WDFY3: variants seen among roughly 807,000 people sequenced by gnomAD.
WDFY3 encodes WD repeat and FYVE domain-containing protein 3.
WDFY3 carries 66 observed loss-of-function variants against 409.6 expected under a neutral mutation model. The ratio of observed to expected loss-of-function variants is 0.16; its 90% CI spans 0.13 to 0.20. The LOEUF (loss-of-function observed/expected upper bound fraction) is 0.20. Ranked by LOEUF, WDFY3 falls within the 10% of genes least tolerant of loss-of-function variation. The probability of loss-of-function intolerance (pLI) is 1.00; values close to 1 mark genes in which losing one functional copy is unlikely to be tolerated. For missense variants in WDFY3, 3,031 were observed against 4,298.1 expected, an observed-to-expected ratio of 0.71 and a Z score of 8.24; for synonymous variants, 1,521 against 1,537.1, an observed-to-expected ratio of 0.99 and a Z score of 0.25.
intron 2 of WDFY3, among the ~76,000 whole-genome samples, chr4:84,916,499 C>T (rs777183233): frequency 6.6e-5 from 10 of 152,144 alleles, no homozygotes; most frequent in Non-Finnish European, 1.2e-4. Context: ...CTGCCATTCT[C>T]GCATATGATT....
intron 46 of WDFY3, 87 bp from the exon 47 acceptor site, chr4:84,721,659 T>C: frequency 2.7e-6 from 4 of 1,500,574 alleles, no homozygotes; most frequent in Non-Finnish European, 3.6e-6. Flanking sequence ...CTTCTATAGA[T>C]TTCCAATTTG....
rs776634253 is a variant in WDFY3 at position 84,794,960 on chromosome 4, A to C, written c.3187T>G (p.Leu1063Val). Residue 1063 changes from leucine (L) to valine (V), a missense_variant, in exon 20 of 68, where the codon TTG (leucine) becomes GTG (valine). Leu to Val is a conservative substitution (Grantham distance 32). This residue lies in a region of WDFY3 where 1,322 missense variants were observed against 1,697.9 expected (regional missense o/e 0.78). Coordinates refer to ENST00000295888, the MANE Select transcript of WDFY3 (RefSeq NM_014991.6). Reference sequence around the variant, plus strand: ...TTTGTAGGAGCATTATGAGGGGCCAAACTGGGCAAAAAAAGACATCTATTA... The same window carrying C: ...TTTGTAGGAGCATTATGAGGGGCCACACTGGGCAAAAAAAGACATCTATTA... ...EGFGCLFLPS[L>V]APHNAPTNNT... The C allele has an allele frequency of 2.6e-5, 41 of 1,562,602 alleles. No individual in the cohort carries two copies. The Middle Eastern group carries it at 6.9e-4, about 26-fold the overall frequency.
intron 25 of WDFY3, among the ~76,000 whole-genome samples, chr4:84,782,290 T>C (rs986041724): frequency 2.6e-5 from 4 of 152,202 alleles, no homozygotes; most frequent in African/African-American, 7.2e-5. Context: ...TGTCACTAAA[T>C]GTAATTTGAA....
intron 2 of WDFY3, among the ~76,000 whole-genome samples, chr4:84,915,856 C>A (rs180778720): frequency 1.6e-3 from 245 of 152,270 alleles, no homozygotes; most frequent in Non-Finnish European, 3.1e-3. Context: ...TGGCTCACCC[C>A]CACAATGTGT....
At chr4:84,724,365 G>A in intron 46 of WDFY3, 61 bp downstream of exon 46, 1 of 1,533,616 alleles carries the variant, frequency 6.5e-7, no homozygotes, top group Non-Finnish European at 8.8e-7. Context: ...ATTTTTGTAT[G>A]AATTCAAATA....
intron 25 of WDFY3, 87 bp from the exon 26 acceptor site, chr4:84,780,385 A>T (rs1746284217): frequency 1.6e-6 from 2 of 1,271,960 alleles, no homozygotes; most frequent in Admixed American, 5.5e-5. Context: ...TTTTTTAATT[A>T]GCAGTGTTTT....
chr4:84,690,472 T>A (rs554156046), intron 61 of WDFY3, 34 bp downstream of exon 61: 2 of 1,613,858 alleles, frequency 1.2e-6, no homozygotes, highest in Non-Finnish European at 1.7e-6. Context: ...AGATGGACTA[T>A]GTCCTTCTTG....
At chr4:84,810,447 C>T in intron 13 of WDFY3, 103 bp from the exon 14 acceptor site, 1 of 1,021,800 alleles carries the variant, frequency 9.8e-7, no homozygotes, top group Non-Finnish European at 1.4e-6. Context: ...GTGAATCTGA[C>T]ATGTTTTTAT....
chr4:84,790,879 G>A (rs1404074842), intron 21 of WDFY3, among the ~76,000 whole-genome samples: 2 of 151,920 alleles, frequency 1.3e-5, no homozygotes, highest in East Asian at 3.9e-4. Flanking sequence ...AATCATCAGG[G>A]AAATGCAAAC....
At chr4:84,955,440 C>T (rs1377197633) in intron 1 of WDFY3, among the ~76,000 whole-genome samples, 3 of 152,110 alleles carry the variant, frequency 2.0e-5, no homozygotes, top group East Asian at 1.9e-4. Flanking sequence ...CTGCTGCCTA[C>T]GGACATAAGG....
At chr4:84,799,935 A>C (rs775815835) in intron 17 of WDFY3, among the ~76,000 whole-genome samples, 4 of 152,190 alleles carry the variant, frequency 2.6e-5, no homozygotes, top group African/African-American at 4.8e-5. Flanking sequence ...TAACTATGCA[A>C]TGTAAGTTAT....
chr4:84,798,144 G>A, intron 17 of WDFY3, 36 bp from the exon 18 acceptor site: 4 of 1,502,452 alleles, frequency 2.7e-6, no homozygotes, highest in South Asian at 2.4e-5. Flanking sequence ...TTCCTTGATT[G>A]AGATTATTAT....
At chr4:84,803,225 A>G in intron 16 of WDFY3, 65 bp downstream of exon 16, 1 of 1,491,476 alleles carries the variant, frequency 6.7e-7, no homozygotes, top group Non-Finnish European at 8.9e-7. Context: ...AGCTCATATA[A>G]TCATACTCAC....
chr4:84,943,277 G>A (rs1031917256), intron 1 of WDFY3, among the ~76,000 whole-genome samples: 6 of 152,034 alleles, frequency 3.9e-5, no homozygotes, highest in Admixed American at 6.6e-5. Context: ...CGAGGCGGGC[G>A]GATCACAAGG....
chr4:84,844,914 A>G (rs1309116856), intron 5 of WDFY3, among the ~76,000 whole-genome samples: 1 of 152,208 alleles, frequency 6.6e-6, no homozygotes, highest in African/African-American at 2.4e-5. Flanking sequence ...GAGGCAAAGG[A>G]CCAAGAAAGA....
intron 67 of WDFY3, among the ~76,000 whole-genome samples, chr4:84,675,024 G>A (rs1350708391): frequency 1.3e-5 from 2 of 151,624 alleles, no homozygotes; most frequent in Non-Finnish European, 2.9e-5. Flanking sequence ...TGGATGGAGT[G>A]CAGTGGCGTG....
intron 19 of WDFY3, among the ~76,000 whole-genome samples, chr4:84,795,302 T>C (rs1749202759): frequency 6.6e-6 from 1 of 152,212 alleles, no homozygotes; most frequent in Non-Finnish European, 1.5e-5. Context: ...AAAACTCCCA[T>C]GTGCCCCTTA....
At position 84,737,357 on chromosome 4, in the gene WDFY3, A is replaced by C; in HGVS notation, c.6584T>G (p.Leu2195Arg). 1 of 1,567,608 alleles carries C rather than the reference A, an allele frequency of 6.4e-7. No homozygotes were observed. Among genetic ancestry groups the C allele is most frequent in the Non-Finnish European group, 8.6e-7 (1 of 1,157,328 alleles). Residue 2195 changes from leucine to arginine, a missense_variant, in exon 41 of 68, where the codon CTT (leucine) becomes CGT (arginine). Leu to Arg is a moderately radical substitution (Grantham distance 102). Transcript: ENST00000295888. Reference protein sequence around the residue: ...YSQDISEGRQLLIKAVNRVWT... With the variant: ...YSQDISEGRQRLIKAVNRVWT... Reference sequence around the variant, plus strand: ...AACTCTGTTGACAGCTTTTATGAGAAGCTGACGCCCTAGTAAACAAACAAA... The same window carrying C: ...AACTCTGTTGACAGCTTTTATGAGACGCTGACGCCCTAGTAAACAAACAAA...
chr4:84,944,182 A>T (rs1772505498), intron 1 of WDFY3, among the ~76,000 whole-genome samples: 1 of 152,188 alleles, frequency 6.6e-6, no homozygotes, highest in Non-Finnish European at 1.5e-5. Context: ...TTATATAAGT[A>T]TTATTTATTA....
Sources: allele counts gnomAD v4.1 joint callset (sites outside exome capture counted in the v4.1 genomes callset), GRCh38; gene constraint gnomAD v4.1.1; regional missense constraint gnomAD v4.1.1; transcripts MANE v1.5; gene names NCBI Gene and HGNC (gene_info 2026-07-23, HGNC 2026-07-21).